Variants in RALGPS2 observed in about 807,000 individuals in gnomAD.
RALGPS2 encodes ras-specific guanine nucleotide-releasing factor RalGPS2.
In RALGPS2, 43 loss-of-function variants were observed where a neutral mutation model predicts 86.8. The observed-to-expected ratio is 0.50, with a 90% CI of 0.39 to 0.64. The LOEUF is 0.64. RALGPS2 is among the 30% of genes least tolerant of loss of function. RALGPS2 has a pLI of 0.00. For missense variants in RALGPS2, 536 were observed against 694.6 expected (o/e 0.77, Z 2.57); for synonymous variants, 243 against 231.3 (o/e 1.05, Z -0.46).
At chr1:178,892,201 T>C (rs1046173308) in intron 14 of RALGPS2, 29 bp from the exon 15 acceptor site, 1 of 1,569,636 alleles carries the variant, frequency 6.4e-7, no homozygotes, top group South Asian at 1.1e-5. Context: ...GTATATGTAA[T>C]ATATACAATT....
intron 10 of RALGPS2, among the ~76,000 whole-genome samples, chr1:178,880,020 CATTT>C (rs1196924912): frequency 6.6e-6 from 1 of 152,040 alleles, no homozygotes; most frequent in African/African-American, 2.4e-5. Context: ...CTTTTAGCTT[CATTT>C]GTTACTTTTT....
At chr1:178,860,735 A>G (rs1250165168) in intron 8 of RALGPS2, among the ~76,000 whole-genome samples, 1 of 152,092 alleles carries the variant, frequency 6.6e-6, no homozygotes, top group African/African-American at 2.4e-5. Flanking sequence ...TAAAATATAC[A>G]TTGTTGTATA....
chr1:178,789,057 C>A (rs1252903169), intron 4 of RALGPS2, among the ~76,000 whole-genome samples: 1 of 152,020 alleles, frequency 6.6e-6, no homozygotes, highest in Non-Finnish European at 1.5e-5. Context: ...CAGGTGCATG[C>A]CACCACGCCT....
At chr1:178,820,329 A>G (rs1408899297) in intron 6 of RALGPS2, among the ~76,000 whole-genome samples, 1 of 152,208 alleles carries the variant, frequency 6.6e-6, no homozygotes, top group African/African-American at 2.4e-5. Flanking sequence ...CCTCCACTGG[A>G]GTTCTTACTG....
Position 178,822,771 on chromosome 1 carries a change from A to G in RALGPS2, c.480+1067A>G, listed in dbSNP as rs58213830. The stretch of plus-strand genomic sequence containing the variant: ...TGAATTTCATGGAGGAATGGAAATG[A>G]TTATAAATATACAGTTATGAATTAT... On this transcript the variant is annotated intron_variant, in intron 7 of 19. Transcript: ENST00000367635. Among the ~76,000 whole-genome samples the G allele has an allele frequency of 6.1e-3, 924 of 152,292 alleles. 10 individuals are homozygous for G. The highest frequency in any genetic ancestry group is 0.021 in the African/African-American group (882 of 41,570).
chr1:178,774,951 T>C (rs1385790265), intron 1 of RALGPS2, among the ~76,000 whole-genome samples: 4 of 152,210 alleles, frequency 2.6e-5, no homozygotes, highest in Non-Finnish European at 5.9e-5. Context: ...TTCTCATTCA[T>C]TGTGTTTGCA....
chr1:178,832,692 A>T (rs533553382), intron 7 of RALGPS2, among the ~76,000 whole-genome samples: 1 of 148,556 alleles, frequency 6.7e-6, no homozygotes, highest in South Asian at 2.1e-4. Flanking sequence ...ATGTCTAAAT[A>T]AAAAAAAAAA....
intron 7 of RALGPS2, among the ~76,000 whole-genome samples, chr1:178,829,729 TTTTA>T (rs1214251028): frequency 3.3e-5 from 5 of 152,064 alleles, no homozygotes; most frequent in South Asian, 2.1e-4. Context: ...TCTTTTTAAA[TTTTA>T]TTTATTATTT....
chr1:178,906,851 A>G lies in RALGPS2; in HGVS notation c.1706A>G (p.Gln569Arg). The G allele has an allele frequency of 6.2e-7, 1 of 1,613,406 alleles. No individual in the cohort carries two copies. The highest frequency in any genetic ancestry group is 8.5e-7 in the Non-Finnish European group (1 of 1,179,624). The change falls in exon 19 of 20, where the codon CAA (glutamine) becomes CGA (arginine). Residue 569 changes from glutamine (Q) to arginine (R), a missense_variant. Gln to Arg is a conservative substitution (Grantham distance 43, BLOSUM62 1). This residue lies in a region of RALGPS2 where 309 missense variants were observed against 363.0 expected (regional missense o/e 0.85). Coordinates refer to ENST00000367635, the MANE Select transcript of RALGPS2 (RefSeq NM_152663.5). Reference sequence around the variant, plus strand: ...TTTAAGCATTTGAGTGCAGCCTGCCAAAGTAACAAACAACAGGTAAGCATT... The same window carrying G: ...TTTAAGCATTTGAGTGCAGCCTGCCGAAGTAACAAACAACAGGTAAGCATT... Reference protein sequence around the residue: ...LWFKHLSAACQSNKQQVPTNL... With the variant: ...LWFKHLSAACRSNKQQVPTNL...
intron 12 of RALGPS2, 141 bp downstream of exon 12, chr1:178,885,352 C>T: frequency 1.3e-6 from 1 of 778,068 alleles, no homozygotes; most frequent in South Asian, 2.3e-5. Flanking sequence ...CAGTAAAATG[C>T]CTTGTTTGCC....
intron 19 of RALGPS2, among the ~76,000 whole-genome samples, chr1:178,909,937 C>T (rs1307495196): frequency 6.6e-6 from 1 of 152,174 alleles, no homozygotes; most frequent in Non-Finnish European, 1.5e-5. Flanking sequence ...GCGTGAGCCA[C>T]TGTGCCCGGC....
intron 8 of RALGPS2, among the ~76,000 whole-genome samples, chr1:178,874,637 T>C (rs928488646): frequency 1.3e-5 from 2 of 152,240 alleles, no homozygotes; most frequent in East Asian, 3.8e-4. Context: ...TTTTATATCT[T>C]CTATTGCTGT....
intron 10 of RALGPS2, 39 bp downstream of exon 10, chr1:178,879,031 C>G: frequency 1.2e-6 from 2 of 1,602,678 alleles, no homozygotes; most frequent in Non-Finnish European, 1.7e-6. Context: ...ATAACTTTGT[C>G]CTGTCCTCCA....
chr1:178,771,631 T>C (rs922898291), intron 1 of RALGPS2, among the ~76,000 whole-genome samples: 2 of 152,228 alleles, frequency 1.3e-5, no homozygotes, highest in Non-Finnish European at 2.9e-5. Context: ...TTTGTTTTTT[T>C]ACTTTTTTCT....
chr1:178,902,364 C>G (rs553209890), intron 18 of RALGPS2, among the ~76,000 whole-genome samples, 153 bp downstream of exon 18: 51 of 152,148 alleles, frequency 3.4e-4, no homozygotes, highest in African/African-American at 7.2e-5. Flanking sequence ...CTGGAATACT[C>G]AAGAGAGAAA....
chr1:178,912,147 T>A (rs921237039), intron 19 of RALGPS2, among the ~76,000 whole-genome samples: 7 of 152,220 alleles, frequency 4.6e-5, no homozygotes, highest in African/African-American at 1.7e-4. Context: ...TCTTGCTTCT[T>A]TGGCCAGCTT....
At chr1:178,786,160 G>A (rs945892555) in intron 4 of RALGPS2, among the ~76,000 whole-genome samples, 1 of 152,010 alleles carries the variant, frequency 6.6e-6, no homozygotes, top group Non-Finnish European at 1.5e-5. Flanking sequence ...TCTCAAGGGT[G>A]GTAGAGGTGG....
At chr1:178,844,282 T>G (rs1307578857) in intron 8 of RALGPS2, among the ~76,000 whole-genome samples, 1 of 152,192 alleles carries the variant, frequency 6.6e-6, no homozygotes, top group Non-Finnish European at 1.5e-5. Context: ...CGCTAATGAT[T>G]TCTTAACATG....
intron 8 of RALGPS2, among the ~76,000 whole-genome samples, chr1:178,856,063 A>G (rs902475377): frequency 7.0e-4 from 105 of 149,296 alleles, no homozygotes; most frequent in African/African-American, 2.4e-3. Flanking sequence ...TACTAGAAAT[A>G]TGTGAGAGTT....
Sources: allele counts gnomAD v4.1 joint callset (sites outside exome capture counted in the v4.1 genomes callset), GRCh38; gene constraint gnomAD v4.1.1; regional missense constraint gnomAD v4.1.1; transcripts MANE v1.5; gene names NCBI Gene and HGNC (gene_info 2026-07-23, HGNC 2026-07-21).